IMMT: variants seen among roughly 807,000 people sequenced by gnomAD.
IMMT encodes the protein inner membrane mitochondrial protein, also known as MICOS complex subunit MIC60.
Under a neutral mutation model 92.7 loss-of-function variants are expected in IMMT, and 40 were observed. That is an observed-to-expected ratio of 0.43 (90% CI 0.34 to 0.56). The LOEUF is 0.56. Among genes scored for constraint, IMMT ranks in the 20% least tolerant of loss-of-function variants. The pLI, the probability that IMMT is intolerant of heterozygous loss-of-function variation, is 0.03. For missense variants in IMMT, 831 were observed against 912.1 expected (o/e 0.91, Z 1.14); for synonymous variants, 322 against 336.1 (o/e 0.96, Z 0.46).
At chr2:86,148,255 T>A (rs545597471) in intron 12 of IMMT, among the ~76,000 whole-genome samples, 2 of 152,366 alleles carry the variant, frequency 1.3e-5, no homozygotes, top group South Asian at 4.1e-4. Flanking sequence ...AAATGATTTA[T>A]CTTCTCAAAT....
At chr2:86,164,527 C>T (rs544271950) in intron 7 of IMMT, among the ~76,000 whole-genome samples, 8 of 151,702 alleles carry the variant, frequency 5.3e-5, no homozygotes, top group Admixed American at 1.3e-4. Context: ...CCTCTCTGTA[C>T]GAAAAATACA....
chr2:86,172,835 C>T (rs1026309261), intron 4 of IMMT, among the ~76,000 whole-genome samples: 1 of 152,174 alleles, frequency 6.6e-6, no homozygotes, highest in Non-Finnish European at 1.5e-5. Context: ...GACTTACCCC[C>T]CTTATCTCTT....
At position 86,173,781 on chromosome 2, in the gene IMMT, T is replaced by G. The variant is rs758459165; in HGVS notation, c.310-20A>C. 15 of 1,340,342 alleles carry G rather than the reference T, an allele frequency of 1.1e-5. No homozygotes were observed. The East Asian group carries it at 3.5e-4, about 31-fold the overall frequency. The allele number at this position is 1,340,342 out of a possible 1,614,324, so 83.0% of individuals were successfully genotyped here. ...CTGAATCTTGGAAATAAAAAACATTTAACATTTCAGATATACTACTGTTTT... is the reference window on the plus strand; with the variant it reads ...CTGAATCTTGGAAATAAAAAACATTGAACATTTCAGATATACTACTGTTTT... On this transcript the variant is annotated intron_variant, in intron 3 of 14. Coordinates refer to ENST00000410111, the MANE Select transcript of IMMT (RefSeq NM_006839.3).
intron 7 of IMMT, among the ~76,000 whole-genome samples, chr2:86,162,595 C>CA (rs1161118025): frequency 6.6e-6 from 1 of 151,970 alleles, no homozygotes. Flanking sequence ...CCTATAATCC[C>CA]AGCACTTCGG....
At chr2:86,174,539 C>G (rs918101059) in intron 3 of IMMT, among the ~76,000 whole-genome samples, 1 of 152,110 alleles carries the variant, frequency 6.6e-6, no homozygotes, top group Non-Finnish European at 1.5e-5. Flanking sequence ...CAAAATAATG[C>G]CAAGATATAT....
At chr2:86,179,787 GATTT>G (rs1247493743) in intron 2 of IMMT, among the ~76,000 whole-genome samples, 165 bp from the exon 3 acceptor site, 1 of 152,090 alleles carries the variant, frequency 6.6e-6, no homozygotes, top group African/African-American at 2.4e-5. Flanking sequence ...ACCTTTTCCT[GATTT>G]GTTTATAACA....
chr2:86,195,193 G>A (rs919199621), intron 1 of IMMT, 145 bp downstream of exon 1: 4 of 840,744 alleles, frequency 4.8e-6, no homozygotes, highest in Non-Finnish European at 5.3e-6. Context: ...TGGCTGCCTA[G>A]CTGCCCGCCC....
chr2:86,195,333 C>G lies in IMMT; in HGVS notation c.45+5G>C. Reference sequence around the variant, plus strand: ...TCACGCGCCTCCGGGAGCCCCAGTGCTCACCTGGGCGGCGGCGGTCACACC... The same window carrying G: ...TCACGCGCCTCCGGGAGCCCCAGTGGTCACCTGGGCGGCGGCGGTCACACC... On this transcript the variant is annotated splice_donor_5th_base_variant and intron_variant, in intron 1 of 14. Transcript: ENST00000410111. 6.5e-7 allele frequency: 1 copy of G among 1,547,594 alleles called. No individual in the cohort carries two copies.
chr2:86,192,977 T>C (rs1281055412), intron 1 of IMMT: 4 of 154,188 alleles, frequency 2.6e-5, no homozygotes, highest in Non-Finnish European at 5.9e-5. Flanking sequence ...TGTGATGCGA[T>C]GTCTCCAAAG....
At chr2:86,149,742 G>C (rs1248639856) in intron 12 of IMMT, among the ~76,000 whole-genome samples, 1 of 152,116 alleles carries the variant, frequency 6.6e-6, no homozygotes, top group Non-Finnish European at 1.5e-5. Context: ...GCCACATGTG[G>C]TGGCATGCAC....
intron 3 of IMMT, 29 bp downstream of exon 3, chr2:86,179,404 T>C (rs1474315451): frequency 1.3e-6 from 2 of 1,500,646 alleles, no homozygotes; most frequent in Non-Finnish European, 1.8e-6. Flanking sequence ...TTTCATTGGA[T>C]AAACTGAAAT....
chr2:86,151,692 A>G (rs934465515), intron 11 of IMMT, among the ~76,000 whole-genome samples, 172 bp from the exon 12 acceptor site: 1 of 152,232 alleles, frequency 6.6e-6, no homozygotes, highest in Non-Finnish European at 1.5e-5. Context: ...CTAGTGTCCA[A>G]TAAGGTATTT....
chr2:86,193,711 G>A (rs577735386), intron 1 of IMMT, among the ~76,000 whole-genome samples: 3 of 152,278 alleles, frequency 2.0e-5, no homozygotes, highest in African/African-American at 7.2e-5. Flanking sequence ...AAGCAGCAAT[G>A]TCAAATGCTA....
intron 10 of IMMT, among the ~76,000 whole-genome samples, chr2:86,156,395 C>T (rs952691925): frequency 2.6e-5 from 4 of 151,934 alleles, no homozygotes; most frequent in African/African-American, 7.3e-5. Flanking sequence ...AGTTTGAGAC[C>T]AGCCTGACCA....
intron 10 of IMMT, among the ~76,000 whole-genome samples, chr2:86,156,058 C>A (rs1480067538): frequency 6.6e-6 from 1 of 152,118 alleles, no homozygotes; most frequent in Non-Finnish European, 1.5e-5. Flanking sequence ...CTACATGGCC[C>A]TTTCTTTAGC....
chr2:86,147,777 C>G lies in IMMT; in HGVS notation c.1458G>C (p.Gln486His), dbSNP rs1274502308. 1.9e-6 allele frequency: 3 copies of G among 1,613,796 alleles called. No individual in the cohort carries two copies. ...ENEMRTQLRR[Q>H]AAAHTDHLRD... ...GCAAGTGATCAGTGTGGGCAGCTGC[C>G]TGTCGGCGAAGCTGGGTTCTCATTT... The change falls in exon 13 of 15, where the codon CAG becomes CAC. Residue 486 changes from glutamine to histidine, a missense_variant. By Grantham distance (24) the Gln-to-His change is conservative. Transcript: ENST00000410111.
At chr2:86,153,861 A>T (rs1675659416) in intron 10 of IMMT, among the ~76,000 whole-genome samples, 1 of 151,430 alleles carries the variant, frequency 6.6e-6, no homozygotes, top group Non-Finnish European at 1.5e-5. Context: ...ATCAACTTAA[A>T]TTTTTTGTTT....
intron 7 of IMMT, 93 bp downstream of exon 7, chr2:86,166,415 T>C: frequency 9.0e-7 from 1 of 1,105,376 alleles, no homozygotes; most frequent in Non-Finnish European, 1.3e-6. Context: ...GAAAGCAGTC[T>C]GTTAAATATT....
chr2:86,194,980 C>T (rs1296112973), intron 1 of IMMT: 1 of 267,710 alleles, frequency 3.7e-6, no homozygotes, highest in Non-Finnish European at 7.5e-6. Flanking sequence ...AACTGTAGTT[C>T]TCGCCCGTCG....
Sources: allele counts gnomAD v4.1 joint callset (sites outside exome capture counted in the v4.1 genomes callset), GRCh38; gene constraint gnomAD v4.1.1; transcripts MANE v1.5; gene names NCBI Gene and HGNC (gene_info 2026-07-23, HGNC 2026-07-21).